The following ALDH8A1 variants were observed in gnomAD, a reference collection of about 807,000 sequenced individuals.
The protein encoded by ALDH8A1 is aldehyde dehydrogenase 8 family member A1.
Under a neutral mutation model 43.3 loss-of-function variants are expected in ALDH8A1, and 39 were observed. The observed-to-expected ratio is 0.90, with a 90% CI of 0.70 to 1.18. The LOEUF (loss-of-function observed/expected upper bound fraction) is 1.18, where lower values mean the gene tolerates loss of function less well. ALDH8A1 is among the 50% of genes most tolerant of loss of function. The pLI is 0.00. For missense variants in ALDH8A1, 605 were observed against 622.6 expected (o/e 0.97, Z 0.30); for synonymous variants, 233 against 243.5 (o/e 0.96, Z 0.40).
intron 6 of ALDH8A1, among the ~76,000 whole-genome samples, chr6:134,922,742 G>T (rs1776825182): frequency 6.6e-6 from 1 of 152,120 alleles, no homozygotes; most frequent in South Asian, 2.1e-4. Context: ...TGAAGCAGTG[G>T]AATTTTGGAG....
intron 6 of ALDH8A1, among the ~76,000 whole-genome samples, chr6:134,928,307 C>T (rs1406970261): frequency 1.3e-5 from 2 of 152,208 alleles, no homozygotes; most frequent in African/African-American, 2.4e-5. Context: ...GTTGCAGTGT[C>T]CTGAAAGTCA....
rs746063668 is a variant in ALDH8A1, at chr6:134,942,547, C to A, written c.304G>T (p.Ala102Ser). The A allele has an allele frequency of 6.2e-7, 1 of 1,613,886 alleles. No individual in the cohort carries two copies. The highest frequency in any genetic ancestry group is 8.5e-7 in the Non-Finnish European group (1 of 1,179,838). The part of the protein sequence containing the change: ...SKDQGKTLAL[A>S]RTMDIPRSVQ... Reference sequence around the variant, plus strand: ...GACCGGGGAATGTCCATGGTTCTTGCCAGTGCTAAGGTTTTCCCTGTAAGA... The same window carrying A: ...GACCGGGGAATGTCCATGGTTCTTGACAGTGCTAAGGTTTTCCCTGTAAGA... Residue 102 changes from alanine (A) to serine (S), a missense_variant, in exon 3 of 7, where the codon GCA becomes TCA. Physicochemically the swap from Ala to Ser is moderately conservative, Grantham distance 99 (BLOSUM62 1). Transcript: ENST00000265605.
At chr6:134,924,556 C>A (rs1403604274) in intron 6 of ALDH8A1, among the ~76,000 whole-genome samples, 1 of 152,194 alleles carries the variant, frequency 6.6e-6, no homozygotes, top group African/African-American at 2.4e-5. Flanking sequence ...TCTGGCTATG[C>A]CCAGAATCCA....
At chr6:134,932,138 A>G (rs1334918805) in intron 5 of ALDH8A1, among the ~76,000 whole-genome samples, 1 of 152,252 alleles carries the variant, frequency 6.6e-6, no homozygotes, top group Admixed American at 6.5e-5. Flanking sequence ...AAAAGCAGGC[A>G]GCGTTTCCAT....
Position 134,917,393 on chromosome 6 carries a change from T to C in ALDH8A1, c.*1022A>G, listed in dbSNP as rs1562248025. The C allele has an allele frequency of 1.3e-5, 2 of 152,130 alleles. No homozygotes were observed. The highest frequency in any genetic ancestry group is 2.9e-5 in the Non-Finnish European group (2 of 68,022). 9.4% of individuals were successfully genotyped at this position (152,130 alleles called of 1,614,324 possible). ...TTCAAAAATAAGATACATGCCATACTGGTTACTAAAATTGCTTAACATTTA... is the reference window on the plus strand; with the variant it reads ...TTCAAAAATAAGATACATGCCATACCGGTTACTAAAATTGCTTAACATTTA... On this transcript the variant is annotated 3_prime_UTR_variant, in exon 7 of 7. Coordinates refer to ENST00000265605, the MANE Select transcript of ALDH8A1 (RefSeq NM_022568.4).
rs1773947988 is a variant in ALDH8A1, at chr6:134,946,301, C to T, written c.139-2335G>A. On this transcript the variant is annotated intron_variant, in intron 1 of 6. Coordinates refer to ENST00000265605, the MANE Select transcript of ALDH8A1 (RefSeq NM_022568.4). ...GGGAAGAGATGGCTTTGGTGACCTC[C>T]ACCACCAGCTGCAGCCATGAGGAAG... Among the ~76,000 whole-genome samples the T allele has an allele frequency of 3.3e-5, 5 of 152,142 alleles. No homozygotes were observed. The South Asian group carries it at 1.0e-3, about 32-fold the overall frequency.
chr6:134,940,267 T>A (rs1773831716), intron 3 of ALDH8A1: 1 of 305,674 alleles, frequency 3.3e-6, no homozygotes, highest in Admixed American at 4.2e-5. Flanking sequence ...CACCTGTCAC[T>A]AAACAGTTCC....
chr6:134,926,636 C>T, intron 6 of ALDH8A1, among the ~76,000 whole-genome samples: 1 of 152,128 alleles, frequency 6.6e-6, no homozygotes, highest in African/African-American at 2.4e-5. Flanking sequence ...TGGTGAAACC[C>T]CGTCTCTACT....
intron 1 of ALDH8A1, 112 bp downstream of exon 1, chr6:134,949,804 T>C (rs1774012448): frequency 8.0e-7 from 1 of 1,247,558 alleles, no homozygotes; most frequent in Non-Finnish European, 1.1e-6. Context: ...CCTTCTATCA[T>C]GTTTAACAAT....
rs986306559 is a variant in ALDH8A1, at chr6:134,918,260, T to C, written c.*155A>G. On this transcript the variant is annotated 3_prime_UTR_variant, in exon 7 of 7. Transcript: ENST00000265605. The stretch of plus-strand genomic sequence containing the variant: ...AAAATAGACAGTATCTCTTCACTAG[T>C]GGGTAAAGTTACTAAGAACTGAGGA... The C allele has an allele frequency of 8.8e-6, 6 of 681,560 alleles. No homozygotes were observed. The African/African-American group carries it at 9.1e-5, about 10-fold the overall frequency. 42.2% of individuals were successfully genotyped at this position (681,560 alleles called of 1,614,324 possible). A position where few individuals can be genotyped will look rare whatever the true frequency, so the allele number is the denominator to read the frequency against.
At chr6:134,929,030 C>T (rs1180055898) in intron 6 of ALDH8A1, 24 bp downstream of exon 6, 10 of 1,611,376 alleles carry the variant, frequency 6.2e-6, no homozygotes, top group Admixed American at 1.7e-5. Flanking sequence ...TATTCTGTAA[C>T]TTACATGGCA....
chr6:134,924,652 T>C (rs1462824543), intron 6 of ALDH8A1, among the ~76,000 whole-genome samples: 1 of 152,226 alleles, frequency 6.6e-6, no homozygotes, highest in Non-Finnish European at 1.5e-5. Flanking sequence ...AGTCCTTCTC[T>C]ATGTTGTTAT....
chr6:134,943,727 G>T (rs1773901450), intron 2 of ALDH8A1, 92 bp downstream of exon 2: 2 of 1,513,720 alleles, frequency 1.3e-6, no homozygotes, highest in Middle Eastern at 1.8e-4. Context: ...AGAGGAGCAG[G>T]CACATGGGCT....
chr6:134,946,273 T>C (rs906991353), intron 1 of ALDH8A1, among the ~76,000 whole-genome samples: 20 of 152,190 alleles, frequency 1.3e-4, no homozygotes, highest in African/African-American at 4.6e-4. Context: ...GCAGACAGGA[T>C]AGGGGAAGAG....
At chr6:134,920,036 G>A (rs964875452) in intron 6 of ALDH8A1, among the ~76,000 whole-genome samples, 3 of 152,074 alleles carry the variant, frequency 2.0e-5, no homozygotes, top group African/African-American at 7.2e-5. Flanking sequence ...TCAGCCTCTC[G>A]AGTAGCTGAG....
intron 1 of ALDH8A1, among the ~76,000 whole-genome samples, chr6:134,945,924 T>G (rs931803458): frequency 2.0e-5 from 3 of 152,192 alleles, no homozygotes; most frequent in Admixed American, 6.5e-5. Context: ...ATTTTCATGA[T>G]AGTGAGTGAA....
At chr6:134,927,111 G>A (rs927104697) in intron 6 of ALDH8A1, among the ~76,000 whole-genome samples, 3 of 152,186 alleles carry the variant, frequency 2.0e-5, no homozygotes, top group African/African-American at 7.2e-5. Flanking sequence ...CAGGAGAGCA[G>A]GTTAAAGAGA....
chr6:134,933,969 A>C (rs1773680460), intron 4 of ALDH8A1, among the ~76,000 whole-genome samples: 1 of 152,194 alleles, frequency 6.6e-6, no homozygotes, highest in South Asian at 2.1e-4. Context: ...TCGGCCTGCC[A>C]AAGTACTAGG....
intron 4 of ALDH8A1, among the ~76,000 whole-genome samples, chr6:134,934,508 G>A (rs1773695447): frequency 6.6e-6 from 1 of 152,136 alleles, no homozygotes; most frequent in Non-Finnish European, 1.5e-5. Flanking sequence ...GACTTCCCGA[G>A]GATACGTAGT....
Sources: allele counts gnomAD v4.1 joint callset (sites outside exome capture counted in the v4.1 genomes callset), GRCh38; gene constraint gnomAD v4.1.1; transcripts MANE v1.5; gene names NCBI Gene and HGNC (gene_info 2026-07-23, HGNC 2026-07-21).